CLINT1: variants seen among roughly 807,000 people sequenced by gnomAD.
CLINT1 encodes clathrin interacting protein localized in the trans-Golgi region.
A neutral mutation model predicts 70.4 loss-of-function variants in CLINT1; 15 were observed. The observed-to-expected ratio is 0.21, with a 90% CI of 0.14 to 0.33. CLINT1 has a LOEUF of 0.33. Ranked by LOEUF, CLINT1 falls within the 10% of genes least tolerant of loss-of-function variation. The pLI, the probability that CLINT1 is intolerant of heterozygous loss-of-function variation, is 1.00. For missense variants in CLINT1, 615 were observed against 778.1 expected (o/e 0.79, Z 2.49); for synonymous variants, 227 against 254.7 (o/e 0.89, Z 1.04).
chr5:157,823,344 A>C (rs1229540646), intron 1 of CLINT1, among the ~76,000 whole-genome samples: 1 of 152,218 alleles, frequency 6.6e-6, no homozygotes, highest in Non-Finnish European at 1.5e-5. Context: ...AAGGCCATTA[A>C]AAATATAAGT....
At chr5:157,833,594 G>C (rs1475029712) in intron 1 of CLINT1, among the ~76,000 whole-genome samples, 1 of 152,048 alleles carries the variant, frequency 6.6e-6, no homozygotes, top group Non-Finnish European at 1.5e-5. Context: ...TTGGGAGTCT[G>C]TGTACACGCT....
chr5:157,810,024 A>T (rs184921014), intron 5 of CLINT1, among the ~76,000 whole-genome samples: 92 of 152,354 alleles, frequency 6.0e-4, no homozygotes, highest in African/African-American at 2.1e-3. Context: ...TTGTTTATGA[A>T]TACTTACACA....
chr5:157,818,192 G>C (rs1182023822), intron 1 of CLINT1, among the ~76,000 whole-genome samples: 1 of 151,988 alleles, frequency 6.6e-6, no homozygotes, highest in Non-Finnish European at 1.5e-5. Flanking sequence ...CTTTCCCTTA[G>C]GTCTTCAGCA....
intron 10 of CLINT1, chr5:157,789,990 C>T (rs1761851727): frequency 5.7e-6 from 1 of 176,002 alleles, no homozygotes; most frequent in Non-Finnish European, 1.2e-5. Flanking sequence ...CACCTGAGGT[C>T]AGAAGTTCAA....
Position 157,802,490 on chromosome 5 carries a change from AATCTC to A in CLINT1, c.1012+1155_1012+1159del, listed in dbSNP as rs375920635. On this transcript the variant is annotated intron_variant, in intron 8 of 11. Coordinates refer to ENST00000411809, the MANE Select transcript of CLINT1 (RefSeq NM_014666.4). ...TGGAAATCAAACTGAAGAAATCATC[AATCTC>A]ATCTATGAGAAATTCAAGGTAAACA... Among the ~76,000 whole-genome samples the A allele has an allele frequency of 1.8e-4, 27 of 152,184 alleles. No homozygotes were observed. In the East Asian group the frequency reaches 4.6e-3, roughly 26 times the overall value.
intron 1 of CLINT1, among the ~76,000 whole-genome samples, chr5:157,826,301 A>T (rs986459572): frequency 6.6e-5 from 10 of 152,176 alleles, no homozygotes; most frequent in Non-Finnish European, 8.8e-5. Flanking sequence ...TATCGTCACC[A>T]AAGTCTTATT....
At chr5:157,855,167 G>GT (rs1482174051) in intron 1 of CLINT1, among the ~76,000 whole-genome samples, 1 of 70,104 alleles carries the variant, frequency 1.4e-5, no homozygotes, top group Admixed American at 1.9e-4. Context: ...CGGGGGGGGG[G>GT]GCGGGTCACT....
chr5:157,812,572 T>C (rs1415061533), intron 5 of CLINT1, among the ~76,000 whole-genome samples: 1 of 152,220 alleles, frequency 6.6e-6, no homozygotes, highest in African/African-American at 2.4e-5. Flanking sequence ...TCATCTTTTA[T>C]ATGTCAAAGT....
At chr5:157,820,601 A>T (rs989409958) in intron 1 of CLINT1, among the ~76,000 whole-genome samples, 2 of 152,228 alleles carry the variant, frequency 1.3e-5, no homozygotes, top group African/African-American at 4.8e-5. Flanking sequence ...CAGGTCATTT[A>T]AAAATAACTA....
At chr5:157,803,779 T>G in intron 7 of CLINT1, 60 bp from the exon 8 acceptor site, 4 of 1,202,100 alleles carry the variant, frequency 3.3e-6, no homozygotes, top group Non-Finnish European at 4.6e-6. Flanking sequence ...AAATCAGCTC[T>G]ATCCATCTCT....
chr5:157,816,066 T>C (rs1265320962), intron 3 of CLINT1, among the ~76,000 whole-genome samples: 1 of 152,068 alleles, frequency 6.6e-6, no homozygotes, highest in Non-Finnish European at 1.5e-5. Context: ...CCATACAACC[T>C]GAGGGAATGA....
intron 8 of CLINT1, among the ~76,000 whole-genome samples, chr5:157,800,414 T>C (rs1349935487): frequency 1.3e-5 from 2 of 152,162 alleles, no homozygotes; most frequent in Non-Finnish European, 2.9e-5. Context: ...GCAATGTTAA[T>C]ATGGTAGATT....
At chr5:157,833,505 A>G (rs1763314494) in intron 1 of CLINT1, among the ~76,000 whole-genome samples, 1 of 152,172 alleles carries the variant, frequency 6.6e-6, no homozygotes, top group Admixed American at 6.5e-5. Context: ...CCTGCTCTCC[A>G]GCTAACTCCA....
intron 1 of CLINT1, among the ~76,000 whole-genome samples, chr5:157,835,864 A>G (rs1174955024): frequency 6.6e-6 from 1 of 152,244 alleles, no homozygotes; most frequent in African/African-American, 2.4e-5. Flanking sequence ...TGTCCCATAG[A>G]AAGATTTGAA....
At chr5:157,855,228 T>G (rs1483882811) in intron 1 of CLINT1, among the ~76,000 whole-genome samples, 1 of 148,884 alleles carries the variant, frequency 6.7e-6, no homozygotes, top group African/African-American at 2.5e-5. Flanking sequence ...AAGAGAAGGA[T>G]TCGCTGAGCT....
chr5:157,855,240 G>T (rs367997171), intron 1 of CLINT1, among the ~76,000 whole-genome samples: 5 of 149,494 alleles, frequency 3.3e-5, no homozygotes, highest in African/African-American at 1.2e-4. Flanking sequence ...CGCTGAGCTT[G>T]AACAAATAAG....
At chr5:157,819,882 C>A (rs1458860033) in intron 1 of CLINT1, among the ~76,000 whole-genome samples, 1 of 152,124 alleles carries the variant, frequency 6.6e-6, no homozygotes, top group African/African-American at 2.4e-5. Context: ...CTTGTTCAAG[C>A]GACAAAGGCC....
intron 6 of CLINT1, among the ~76,000 whole-genome samples, chr5:157,807,330 A>C (rs982349859): frequency 3.9e-5 from 6 of 152,132 alleles, no homozygotes; most frequent in African/African-American, 7.2e-5. Context: ...AATGACCTGA[A>C]GATTCCCATT....
In CLINT1 at chr5:157,787,662, G is replaced by A. The variant is rs200566884; in HGVS notation, c.1862C>T (p.Ala621Val). 1.9e-5 allele frequency: 30 copies of A among 1,612,806 alleles called. No homozygotes were observed. Among genetic ancestry groups the A allele is most frequent in the Non-Finnish European group, 2.5e-5 (29 of 1,179,204 alleles). ...TACAATCTCTTATTTGCTAAAATTG[G>A]CGAAATTTGCAAAGGCATCTTGCTT... ...QPKQDAFANF[A>V]NFSK Residue 621 changes from alanine to valine, a missense_variant, in exon 12 of 12, where the codon GCC (alanine) becomes GTC (valine). This residue lies in a region of CLINT1 where 374 missense variants were observed against 409.6 expected (regional missense o/e 0.91). Coordinates refer to ENST00000411809, the MANE Select transcript of CLINT1 (RefSeq NM_014666.4).
Sources: allele counts gnomAD v4.1 joint callset (sites outside exome capture counted in the v4.1 genomes callset), GRCh38; gene constraint gnomAD v4.1.1; regional missense constraint gnomAD v4.1.1; transcripts MANE v1.5; gene names NCBI Gene and HGNC (gene_info 2026-07-23, HGNC 2026-07-21).